The following DRC11 variants were observed in gnomAD, a reference collection of about 807,000 sequenced individuals.
The protein encoded by DRC11 is IQ and AAA domain-containing protein 1.
chr2:236,352,552 T>TA, the DRC11 span, among the ~76,000 whole-genome samples: 1 of 152,232 alleles, frequency 6.6e-6, no homozygotes, highest in East Asian at 1.9e-4. The surrounding 1 kb of genome is among the most constrained non-coding windows in gnomAD (Gnocchi z 7.0). Context: ...AATCTGCCCT[T>TA]AGAGTTTGTG....
the DRC11 span, among the ~76,000 whole-genome samples, chr2:236,459,640 T>TATAC: frequency 2.8e-5 from 4 of 143,016 alleles, no homozygotes; most frequent in Non-Finnish European, 6.2e-5. Flanking sequence ...TATATACGTA[T>TATAC]ATACGTATAT....
the DRC11 span, among the ~76,000 whole-genome samples, chr2:236,457,117 TAGA>T: frequency 6.6e-6 from 1 of 152,204 alleles, no homozygotes; most frequent in Admixed American, 6.5e-5. This position sits in a 1 kb window ranked among gnomAD's most constrained non-coding sequence, Gnocchi z 4.7. Context: ...TCCTGAGACC[TAGA>T]CGGCAGTTCA....
the DRC11 span, among the ~76,000 whole-genome samples, chr2:236,327,052 G>C: frequency 6.6e-6 from 1 of 151,796 alleles, no homozygotes; most frequent in Admixed American, 6.6e-5. Context: ...TTTTGTTTTG[G>C]GCTCTGTCTC....
At chr2:236,491,016 T>TGTATATGTGTGTATATATATATACA in the DRC11 span, among the ~76,000 whole-genome samples, 3 of 131,836 alleles carry the variant, frequency 2.3e-5, no homozygotes, top group Non-Finnish European at 3.4e-5. Context: ...TGTATATATG[T>TGTATATGTGTGTATATATATATACA]GTATATATAT....
the DRC11 span, among the ~76,000 whole-genome samples, chr2:236,326,791 GTTGTGTGTGTGTGT>G: frequency 7.8e-6 from 1 of 127,642 alleles, no homozygotes; most frequent in Non-Finnish European, 1.6e-5. Context: ...TTTCAGATTT[GTTGTGTGTGTGTGT>G]GTGTGTGTGT....
At chr2:236,358,170 AATATATATACTCTATGAATATATAATAT>A in the DRC11 span, among the ~76,000 whole-genome samples, 4 of 121,378 alleles carry the variant, frequency 3.3e-5, no homozygotes, top group Admixed American at 3.6e-4. Flanking sequence ...ATGAATATAT[AATATATATACTCTATGAATATATAATAT>A]ATATACTATA....
At chr2:236,463,402 C>A in the DRC11 span, among the ~76,000 whole-genome samples, 1 of 152,140 alleles carries the variant, frequency 6.6e-6, no homozygotes, top group Non-Finnish European at 1.5e-5. The surrounding 1 kb of genome is among the most constrained non-coding windows in gnomAD (Gnocchi z 5.0). Context: ...AATACCCCTT[C>A]ATTCAAAATA....
At chr2:236,348,389 G>GCTA in the DRC11 span, among the ~76,000 whole-genome samples, 2 of 152,194 alleles carry the variant, frequency 1.3e-5, no homozygotes, top group Non-Finnish European at 1.5e-5. This position sits in a 1 kb window ranked among gnomAD's most constrained non-coding sequence, Gnocchi z 7.4. Flanking sequence ...AGAGCAGCAA[G>GCTA]GGCAGGAAGA....
chr2:236,384,431 T>G, the DRC11 span, among the ~76,000 whole-genome samples: 1 of 152,236 alleles, frequency 6.6e-6, no homozygotes. Flanking sequence ...CTGAGCATTT[T>G]TTCATGTGTT....
At chr2:236,449,768 C>T in the DRC11 span, among the ~76,000 whole-genome samples, 6 of 152,176 alleles carry the variant, frequency 3.9e-5, no homozygotes, top group East Asian at 1.9e-4. This position sits in a 1 kb window ranked among gnomAD's most constrained non-coding sequence, Gnocchi z 5.1. Context: ...AAAATTGAGA[C>T]GCCTTACATG....
the DRC11 span, chr2:236,497,294 G>A: frequency 1.1e-5 from 17 of 1,613,760 alleles, no homozygotes; most frequent in African/African-American, 2.7e-5. This position sits in a 1 kb window ranked among gnomAD's most constrained non-coding sequence, Gnocchi z 5.1. Flanking sequence ...ATCAGTATTC[G>A]TTTCTGGGGG....
the DRC11 span, chr2:236,380,591 C>A: frequency 1.3e-6 from 2 of 1,551,636 alleles, no homozygotes; most frequent in Non-Finnish European, 1.7e-6. This position sits in a 1 kb window ranked among gnomAD's most constrained non-coding sequence, Gnocchi z 4.9. Context: ...AGATCTTTAT[C>A]CTTCTTTGCC....
At chr2:236,476,902 G>A in the DRC11 span, among the ~76,000 whole-genome samples, 5 of 151,994 alleles carry the variant, frequency 3.3e-5, no homozygotes, top group East Asian at 3.8e-4. The surrounding 1 kb of genome is among the most constrained non-coding windows in gnomAD (Gnocchi z 4.7). Flanking sequence ...TCCCTCCACC[G>A]GCCCTCCACC....
the DRC11 span, among the ~76,000 whole-genome samples, chr2:236,499,234 C>T: frequency 2.6e-5 from 4 of 152,228 alleles, no homozygotes; most frequent in African/African-American, 4.8e-5. The surrounding 1 kb of genome is among the most constrained non-coding windows in gnomAD (Gnocchi z 4.7). Flanking sequence ...AAGTGATTGG[C>T]GGCCTAAATG....
At chr2:236,368,869 G>A in the DRC11 span, 2 of 152,344 alleles carry the variant, frequency 1.3e-5, no homozygotes, top group Non-Finnish European at 2.9e-5. Flanking sequence ...TTTTAAGAGA[G>A]TACCAAAGGA....
the DRC11 span, among the ~76,000 whole-genome samples, chr2:236,505,769 C>T: frequency 1.3e-5 from 2 of 152,144 alleles, no homozygotes; most frequent in Non-Finnish European, 2.9e-5. Flanking sequence ...CCCCTGGATC[C>T]CATGTCCTCT....
At chr2:236,357,266 A>AAC in the DRC11 span, among the ~76,000 whole-genome samples, 1 of 86,252 alleles carries the variant, frequency 1.2e-5, no homozygotes, top group Non-Finnish European at 2.0e-5. Flanking sequence ...ATATATTATA[A>AAC]ATATACATAT....
At chr2:236,413,197 G>C in the DRC11 span, among the ~76,000 whole-genome samples, 1 of 152,146 alleles carries the variant, frequency 6.6e-6, no homozygotes, top group African/African-American at 2.4e-5. The surrounding 1 kb of genome is among the most constrained non-coding windows in gnomAD (Gnocchi z 4.0). Context: ...TTATAAAAGG[G>C]ACCTCTTGAA....
the DRC11 span, among the ~76,000 whole-genome samples, chr2:236,355,784 TAGC>T: frequency 6.6e-6 from 1 of 152,006 alleles, no homozygotes; most frequent in Non-Finnish European, 1.5e-5. Flanking sequence ...CAACCACAAA[TAGC>T]AGCAATGTCT....
Sources: gnomAD v4.1 joint callset for allele counts (sites outside exome capture counted in the v4.1 genomes callset) on GRCh38, gnomAD v4.1.1 for gene constraint, Gnocchi (gnomAD v3.1) non-coding constraint, MANE v1.5 for transcripts, NCBI Gene and HGNC (gene_info 2026-07-23, HGNC 2026-07-21) for gene names.